The following FGF13 variants were observed in gnomAD, a reference collection of about 807,000 sequenced individuals.
FGF13 encodes fibroblast growth factor 13.
In FGF13, 2 loss-of-function variants were observed where a neutral mutation model predicts 19.5. That is an observed-to-expected ratio of 0.10 (90% CI 0.04 to 0.32). The LOEUF (loss-of-function observed/expected upper bound fraction) is 0.32. Among genes scored for constraint, FGF13 ranks in the 10% least tolerant of loss-of-function variants. The pLI is 1.00. For synonymous variants in FGF13, 72 were observed against 76.9 expected (o/e 0.94, Z 0.33); for missense variants, 113 against 192.7 (o/e 0.59, Z 2.45).
intron 1 of FGF13, among the ~76,000 whole-genome samples, chrX:138,949,747 T>C (rs190386414): frequency 3.6e-5 from 4 of 111,382 alleles, no homozygotes; most frequent in East Asian, 2.8e-4. Context: ...CAGTAAAACA[T>C]TGGAATTATT....
intron 1 of FGF13, among the ~76,000 whole-genome samples, chrX:139,160,372 C>T (rs2084019942): frequency 8.9e-6 from 1 of 111,885 alleles, no homozygotes. Flanking sequence ...GCACTGAATG[C>T]CCACAGGAGA....
At chrX:139,039,481 G>A (rs1000119933) in intron 1 of FGF13, among the ~76,000 whole-genome samples, 1 of 111,522 alleles carries the variant, frequency 9.0e-6, no homozygotes, top group Non-Finnish European at 1.9e-5. Context: ...CTTGTTCTTG[G>A]GAACAACAGC....
chrX:138,927,998 A>C (rs1294271015), intron 1 of FGF13, among the ~76,000 whole-genome samples: 2 of 112,097 alleles, frequency 1.8e-5, no homozygotes, highest in African/African-American at 6.5e-5. Context: ...TAAATTAGTA[A>C]ATATTAAAAT....
At chrX:139,090,216 C>T (rs1402148612) in intron 1 of FGF13, among the ~76,000 whole-genome samples, 1 of 111,875 alleles carries the variant, frequency 8.9e-6, no homozygotes, top group East Asian at 2.8e-4. Flanking sequence ...CCTAACAATG[C>T]ATCTGCAAAG....
intron 1 of FGF13, among the ~76,000 whole-genome samples, chrX:138,724,911 T>C (rs2090173865): frequency 8.9e-6 from 1 of 112,168 alleles, no homozygotes; most frequent in Non-Finnish European, 1.9e-5. Flanking sequence ...AGATGTACCA[T>C]AGTATGTTAA....
chrX:139,008,005 C>T (rs2092110900), intron 1 of FGF13, among the ~76,000 whole-genome samples: 2 of 112,620 alleles, frequency 1.8e-5, no homozygotes, highest in African/African-American at 3.2e-5. Flanking sequence ...TGCAAGGCAG[C>T]GGGATGAGGC....
intron 1 of FGF13, among the ~76,000 whole-genome samples, chrX:139,128,084 A>G (rs1376250205): frequency 9.0e-6 from 1 of 110,673 alleles, no homozygotes; most frequent in Non-Finnish European, 1.9e-5. Flanking sequence ...TAAGAAACTC[A>G]AGAGCTTAAG....
At chrX:139,167,904 C>A (rs1029984628) in intron 1 of FGF13, among the ~76,000 whole-genome samples, 2 of 111,982 alleles carry the variant, frequency 1.8e-5, no homozygotes, top group Non-Finnish European at 3.8e-5. Flanking sequence ...TATAACAATG[C>A]AACTTTACCA....
chrX:138,893,927 T>C (rs2091489963), intron 1 of FGF13, among the ~76,000 whole-genome samples: 1 of 111,815 alleles, frequency 8.9e-6, no homozygotes, highest in African/African-American at 3.3e-5. Context: ...TATTTTTCTA[T>C]TCATGATGTT....
rs759906332 is a variant in FGF13 at position 139,061,238 on chromosome X, G to A, written c.-113+142178C>T. ...TACTAATTTACATTCCCACTGCTAT[G>A]GTTTCAATATGGTTTGCTCCTACCA... is the stretch of plus-strand genomic sequence containing the variant. On this transcript the variant is annotated intron_variant, in intron 1 of 2. Transcript: ENST00000421460. Among the ~76,000 whole-genome samples the A allele has an allele frequency of 1.3e-4, 14 of 111,553 alleles. No individual in the cohort carries two copies. The East Asian group carries it at 3.7e-3, about 29-fold the overall frequency.
chrX:138,663,457 C>T (rs1472197045), intron 3 of FGF13, among the ~76,000 whole-genome samples: 1 of 111,715 alleles, frequency 9.0e-6, no homozygotes, highest in East Asian at 2.8e-4. Context: ...GATTTGGGAA[C>T]AAAATATACA....
At chrX:138,839,832 T>G (rs1019383614) in intron 3 of FGF13, among the ~76,000 whole-genome samples, 1 of 112,162 alleles carries the variant, frequency 8.9e-6, no homozygotes, top group African/African-American at 3.2e-5. Flanking sequence ...AGAAAACTTA[T>G]AGTTCAAAAT....
At chrX:138,741,587 C>T (rs898898141), upstream of FGF13, among the ~76,000 whole-genome samples, 2 of 111,550 alleles carry the variant, frequency 1.8e-5, no homozygotes, top group South Asian at 3.8e-4. Flanking sequence ...TTGCATTCCA[C>T]ATCCCCCTAT....
rs1475545900 is a variant in FGF13, at chrX:139,048,267, T to C, written c.-113+155149A>G. 4.5e-5 allele frequency among the ~76,000 whole-genome samples: 5 copies of C among 111,668 alleles called. No individual in the cohort carries two copies. In the Admixed American group the frequency reaches 4.8e-4, roughly 11 times the overall value. The stretch of plus-strand genomic sequence containing the variant: ...ACTGATTTCAATAATACTTTTATCA[T>C]GCAGCAGATTCCCACAAATACCTGG... On this transcript the variant is annotated intron_variant, in intron 1 of 2. Coordinates refer to the FGF13 transcript ENST00000421460.
chrX:138,997,785 C>T (rs1051425833), intron 1 of FGF13, among the ~76,000 whole-genome samples: 1 of 111,941 alleles, frequency 8.9e-6, no homozygotes, highest in Admixed American at 9.4e-5. Flanking sequence ...GAGAACTTCC[C>T]CAACCTAGCA....
chrX:138,928,653 A>G (rs1417803221), intron 1 of FGF13, among the ~76,000 whole-genome samples: 2 of 111,728 alleles, frequency 1.8e-5, no homozygotes, highest in Non-Finnish European at 3.8e-5. Context: ...AATCTGCAGG[A>G]GCCTCAAACC....
intron 3 of FGF13, among the ~76,000 whole-genome samples, chrX:138,694,427 ATTTTTTC>A (rs1197937449): frequency 2.0e-5 from 2 of 102,143 alleles, no homozygotes; most frequent in African/African-American, 7.1e-5. Flanking sequence ...ATACATGTTA[ATTTTTTC>A]TTTTTTCTTT....
intron 1 of FGF13, among the ~76,000 whole-genome samples, chrX:139,145,304 G>A (rs1334436435): frequency 1.8e-5 from 2 of 111,461 alleles, no homozygotes; most frequent in Admixed American, 9.5e-5. Flanking sequence ...CTGGGAGAGA[G>A]GGATAGCAAA....
chrX:138,696,966 T>C (rs1368814512), intron 3 of FGF13, among the ~76,000 whole-genome samples: 1 of 112,558 alleles, frequency 8.9e-6, no homozygotes, highest in Non-Finnish European at 1.9e-5. Context: ...TTAATATTTA[T>C]ATTTCTCATA....
Sources: gnomAD v4.1 joint callset for allele counts (sites outside exome capture counted in the v4.1 genomes callset) on GRCh38, gnomAD v4.1.1 for gene constraint, MANE v1.5 for transcripts, NCBI Gene and HGNC (gene_info 2026-07-23, HGNC 2026-07-21) for gene names.